EPHA5: variants seen among roughly 807,000 people sequenced by gnomAD.
EPHA5 encodes EPH receptor A5, also known as ephrin type-A receptor 5.
A neutral mutation model predicts 105.0 loss-of-function variants in EPHA5; 60 were observed. The ratio of observed to expected loss-of-function variants is 0.57; its 90% CI spans 0.46 to 0.71. EPHA5 has a LOEUF of 0.71. Ranked by LOEUF, EPHA5 falls within the 30% of genes least tolerant of loss-of-function variation. EPHA5 has a pLI of 0.00. For synonymous variants in EPHA5, 513 were observed against 449.1 expected (o/e 1.14, Z -1.80); for missense variants, 1,218 against 1,274.7 (o/e 0.96, Z 0.68).
chr4:65,636,755 C>T (rs1405103949), intron 2 of EPHA5, among the ~76,000 whole-genome samples: 1 of 151,996 alleles, frequency 6.6e-6, no homozygotes, highest in African/African-American at 2.4e-5. Context: ...GACACTTTTG[C>T]ACATCTATAA....
chr4:65,601,601 G>A (rs2149436405), intron 3 of EPHA5, 40 bp downstream of exon 3: 1 of 1,581,064 alleles, frequency 6.3e-7, no homozygotes, highest in Non-Finnish European at 8.6e-7. Context: ...TGATCCAACT[G>A]AAGCAGACAG....
Position 65,336,026 on chromosome 4 carries a change from T to G in EPHA5, c.2695A>C (p.Asn899His), listed in dbSNP as rs1577843547. ...LMLDCWQKER[N>H]SRPKFDEIVN... is the part of the protein sequence containing the mutation. ...ATTTCATCAAACTTGGGCCTGCTATTTCGCTCTTTCTGCCAGCAATCCAGC... is the reference window on the plus strand; with the variant it reads ...ATTTCATCAAACTTGGGCCTGCTATGTCGCTCTTTCTGCCAGCAATCCAGC... Residue 899 changes from asparagine to histidine, a missense_variant, in exon 15 of 17, where the codon AAT (asparagine) becomes CAT (histidine). Coordinates refer to ENST00000613740, the MANE Select transcript of EPHA5 (RefSeq NM_001281766.3). 1 of 1,613,434 alleles carries G rather than the reference T, an allele frequency of 6.2e-7. No individual in the cohort carries two copies. The highest frequency in any genetic ancestry group is 8.5e-7 in the Non-Finnish European group (1 of 1,179,646).
In EPHA5 at chr4:65,431,103, T is replaced by C. The variant is rs1046179698; in HGVS notation, c.1403-10538A>G. On this transcript the variant is annotated intron_variant, in intron 5 of 16. Transcript: ENST00000613740. ...CTCCTATACCGATGCAACTTGAAAATTGTCTTCTGAAAATAAGCCAAGATA... is the reference window on the plus strand; with the variant it reads ...CTCCTATACCGATGCAACTTGAAAACTGTCTTCTGAAAATAAGCCAAGATA... Among the ~76,000 whole-genome samples, 4 of 152,164 alleles carry C rather than the reference T, an allele frequency of 2.6e-5. No homozygotes were observed. The East Asian group carries it at 5.8e-4, about 22-fold the overall frequency.
At chr4:65,521,130 G>C (rs902994372) in intron 3 of EPHA5, among the ~76,000 whole-genome samples, 3 of 152,078 alleles carry the variant, frequency 2.0e-5, no homozygotes, top group Non-Finnish European at 1.5e-5. Context: ...CAACCCAAAT[G>C]TCCATCAATG....
chr4:65,530,988 C>G (rs72614764), intron 3 of EPHA5, among the ~76,000 whole-genome samples: 40,827 of 149,494 alleles, frequency 0.27, 5,837 homozygotes, highest in Middle Eastern at 0.33. Flanking sequence ...GCTGATTTAG[C>G]TGGATGGATT....
At chr4:65,406,693 C>T (rs13120093) in intron 7 of EPHA5, among the ~76,000 whole-genome samples, 24,611 of 151,994 alleles carry the variant, frequency 0.16, 2,083 homozygotes, top group Middle Eastern at 0.25. Flanking sequence ...ATCTCCAACC[C>T]TTATTTCTCT....
At chr4:65,474,304 G>A (rs1729585875) in intron 5 of EPHA5, among the ~76,000 whole-genome samples, 1 of 152,056 alleles carries the variant, frequency 6.6e-6, no homozygotes, top group South Asian at 2.1e-4. Flanking sequence ...TATTAGTGAA[G>A]AAATAAAGAG....
chr4:65,499,343 T>G (rs1732258715), intron 3 of EPHA5, among the ~76,000 whole-genome samples: 1 of 151,668 alleles, frequency 6.6e-6, no homozygotes, highest in Non-Finnish European at 1.5e-5. Context: ...GTAGCTACAA[T>G]TCTTTTAAGA....
At chr4:65,486,032 GA>G (rs892562951) in intron 5 of EPHA5, among the ~76,000 whole-genome samples, 12 of 152,188 alleles carry the variant, frequency 7.9e-5, no homozygotes, top group African/African-American at 2.9e-4. Context: ...CACCAGAAAA[GA>G]AAAGAGAAGA....
At chr4:65,371,121 T>C (rs1718425140) in intron 8 of EPHA5, among the ~76,000 whole-genome samples, 1 of 152,166 alleles carries the variant, frequency 6.6e-6, no homozygotes, top group Non-Finnish European at 1.5e-5. Flanking sequence ...AACTATTTTT[T>C]TAAATTTTGT....
chr4:65,429,686 A>T (rs1724794335), intron 5 of EPHA5, among the ~76,000 whole-genome samples: 1 of 152,078 alleles, frequency 6.6e-6, no homozygotes, highest in Non-Finnish European at 1.5e-5. Flanking sequence ...TTGTGATATT[A>T]AATTATTTAT....
intron 8 of EPHA5, among the ~76,000 whole-genome samples, chr4:65,385,081 A>T (rs533054170): frequency 1.3e-5 from 2 of 151,986 alleles, no homozygotes; most frequent in South Asian, 4.2e-4. Flanking sequence ...AAAATTTGAA[A>T]GCAAATAAAG....
At chr4:65,370,345 C>G (rs1718335859) in intron 8 of EPHA5, among the ~76,000 whole-genome samples, 1 of 151,996 alleles carries the variant, frequency 6.6e-6, no homozygotes, top group Non-Finnish European at 1.5e-5. Flanking sequence ...ATATATGTGC[C>G]TCTAGAGAGA....
At chr4:65,464,251 T>C (rs962501446) in intron 5 of EPHA5, among the ~76,000 whole-genome samples, 1 of 151,998 alleles carries the variant, frequency 6.6e-6, no homozygotes, top group African/African-American at 2.4e-5. Context: ...TCAAAACCCA[T>C]CAAAGTTCCC....
At chr4:65,500,545 C>T (rs1383121413) in intron 3 of EPHA5, among the ~76,000 whole-genome samples, 1 of 144,388 alleles carries the variant, frequency 6.9e-6, no homozygotes, top group Non-Finnish European at 1.5e-5. Flanking sequence ...CTCAAAATTA[C>T]CAAAAAAAAA....
chr4:65,440,167 C>T (rs1725873148), intron 5 of EPHA5, among the ~76,000 whole-genome samples: 1 of 151,874 alleles, frequency 6.6e-6, no homozygotes. Context: ...TTATTTCTAA[C>T]TTCAGAAATA....
At chr4:65,501,378 C>T (rs1195817679) in intron 3 of EPHA5, among the ~76,000 whole-genome samples, 2 of 151,534 alleles carry the variant, frequency 1.3e-5, no homozygotes, top group Non-Finnish European at 3.0e-5. Flanking sequence ...CACCAAAAGT[C>T]TCCTGGATCT....
chr4:65,631,449 A>T (rs1746623766), intron 2 of EPHA5, among the ~76,000 whole-genome samples: 1 of 152,184 alleles, frequency 6.6e-6, no homozygotes, highest in Admixed American at 6.5e-5. Context: ...TAGTTCAAAC[A>T]TACCAAAGAG....
At chr4:65,491,485 C>T (rs1731395476) in intron 4 of EPHA5, among the ~76,000 whole-genome samples, 1 of 151,920 alleles carries the variant, frequency 6.6e-6, no homozygotes, top group Admixed American at 6.6e-5. Flanking sequence ...TAAATTTCAA[C>T]CTCTAATAAC....
Sources: gnomAD v4.1 joint callset for allele counts (sites outside exome capture counted in the v4.1 genomes callset) on GRCh38, gnomAD v4.1.1 for gene constraint, MANE v1.5 for transcripts, NCBI Gene and HGNC (gene_info 2026-07-23, HGNC 2026-07-21) for gene names.